The following VIPR2 variants were observed in gnomAD, a reference collection of about 807,000 sequenced individuals.
VIPR2 encodes the protein vasoactive intestinal polypeptide receptor 2.
A neutral mutation model predicts 58.0 loss-of-function variants in VIPR2; 48 were observed. The ratio of observed to expected loss-of-function variants is 0.83; its 90% CI spans 0.66 to 1.05. The LOEUF is 1.05. Among genes scored for constraint, VIPR2 ranks in the 50% least tolerant of loss-of-function variants. The probability of loss-of-function intolerance (pLI) is 0.00; values close to 1 mark genes in which losing one functional copy is unlikely to be tolerated. For synonymous variants in VIPR2, 243 were observed against 235.2 expected (o/e 1.03, Z -0.30); for missense variants, 534 against 558.0 (o/e 0.96, Z 0.43).
chr7:159,055,105 A>AT (rs999665559), intron 5 of VIPR2, among the ~76,000 whole-genome samples: 27 of 152,298 alleles, frequency 1.8e-4, no homozygotes, highest in African/African-American at 5.5e-4. Flanking sequence ...AATACATCAT[A>AT]TTTTTTTGAG....
At chr7:159,136,395 T>C (rs768154106) in intron 2 of VIPR2, among the ~76,000 whole-genome samples, 1 of 152,202 alleles carries the variant, frequency 6.6e-6, no homozygotes, top group Admixed American at 6.5e-5. Flanking sequence ...ACATTGAGGA[T>C]TGTTTTAACC....
At chr7:159,062,453 G>A (rs924700263) in intron 4 of VIPR2, among the ~76,000 whole-genome samples, 19 of 152,104 alleles carry the variant, frequency 1.2e-4, no homozygotes, top group African/African-American at 4.3e-4. Context: ...CTGGATTCGC[G>A]GTCTCGCTGG....
chr7:159,077,625 T>A (rs1291760922), intron 4 of VIPR2, among the ~76,000 whole-genome samples: 2 of 151,944 alleles, frequency 1.3e-5, no homozygotes, highest in Non-Finnish European at 2.9e-5. Context: ...CTAGCCCTGT[T>A]CAATGTCTTT....
rs1857951596 is a variant in VIPR2 at position 159,097,743 on chromosome 7, G to A, written c.357+6014C>T. ...ACCTTTCAGAAGCTGAGCAGCAATT[G>A]TAGCCAGTTGGGACACACAGACCAA... On this transcript the variant is annotated intron_variant, in intron 4 of 12. Transcript: ENST00000262178. The surrounding 1 kb of genome is among the most constrained non-coding windows in gnomAD (Gnocchi z 5.3). Among the ~76,000 whole-genome samples the A allele has an allele frequency of 6.6e-6, 1 of 152,198 alleles. No individual in the cohort carries two copies. The highest frequency in any genetic ancestry group is 2.4e-5 in the African/African-American group (1 of 41,454).
At chr7:159,123,077 G>A (rs1310474209) in intron 2 of VIPR2, among the ~76,000 whole-genome samples, 3 of 152,078 alleles carry the variant, frequency 2.0e-5, no homozygotes, top group East Asian at 3.9e-4. Flanking sequence ...GGCAGATCAC[G>A]AGGTCAAGAG....
At chr7:159,110,703 C>A (rs1048933156) in intron 2 of VIPR2, among the ~76,000 whole-genome samples, 1 of 139,826 alleles carries the variant, frequency 7.2e-6, no homozygotes, top group African/African-American at 2.7e-5. Context: ...GTAAAACAAA[C>A]AAACAAACAA....
At chr7:159,123,469 C>T (rs773851627) in intron 2 of VIPR2, among the ~76,000 whole-genome samples, 4 of 152,098 alleles carry the variant, frequency 2.6e-5, no homozygotes, top group Non-Finnish European at 5.9e-5. Flanking sequence ...TCCACATTCC[C>T]ACCAAAGACA....
intron 4 of VIPR2, among the ~76,000 whole-genome samples, chr7:159,094,820 C>T (rs1478892199): frequency 6.6e-6 from 1 of 152,194 alleles, no homozygotes; most frequent in Non-Finnish European, 1.5e-5. Context: ...CCAAACATGA[C>T]ATTTCTGAAG....
intron 4 of VIPR2, among the ~76,000 whole-genome samples, chr7:159,087,090 G>C (rs549411732): frequency 6.6e-6 from 1 of 152,276 alleles, no homozygotes; most frequent in African/African-American, 2.4e-5. Context: ...ACTCTGCCAG[G>C]ACTCTGATAG....
chr7:159,125,825 C>T (rs576354605), intron 2 of VIPR2, among the ~76,000 whole-genome samples: 5 of 152,274 alleles, frequency 3.3e-5, no homozygotes, highest in African/African-American at 9.6e-5. Flanking sequence ...AAGGGCCCCA[C>T]GGTGTCCATC....
chr7:159,136,560 G>A (rs901843414), intron 2 of VIPR2, among the ~76,000 whole-genome samples: 16 of 152,066 alleles, frequency 1.1e-4, no homozygotes, highest in African/African-American at 3.9e-4. Context: ...CCCGGAAGAA[G>A]CTGAGAGGTC....
rs192960549 is a variant in VIPR2 at position 159,035,253 on chromosome 7, G to A, written c.810-603C>T. 8.9e-4 allele frequency among the ~76,000 whole-genome samples: 135 copies of A among 152,254 alleles called. No homozygotes were observed. In the East Asian group the frequency reaches 0.015, roughly 17 times the overall value. ...GGGTCCATGCTTTCCCTCGGGGGCC[G>A]AGGGCAGGAGCCTTCAGGCTGGTGC... On this transcript the variant is annotated intron_variant, in intron 8 of 12. Transcript: ENST00000262178.
rs1260680311 is a variant in VIPR2, at chr7:159,062,222, C to T, written c.358-3644G>A. ...CCGAAGGGTTCAGCCTGAGCCCCGG[C>T]AAGTCACAGCCACAGCAGCCCGCAG... On this transcript the variant is annotated intron_variant, in intron 4 of 12. Coordinates refer to ENST00000262178, the MANE Select transcript of VIPR2 (RefSeq NM_003382.5). 3.3e-5 allele frequency among the ~76,000 whole-genome samples: 5 copies of T among 152,180 alleles called. No homozygotes were observed. The East Asian group carries it at 9.7e-4, about 29-fold the overall frequency.
rs1364694888 is a variant in VIPR2 at position 159,097,754 on chromosome 7, G to A, written c.357+6003C>T. ...GCTGAGCAGCAATTGTAGCCAGTTGGGACACACAGACCAAGATTTCTGGGT... is the reference window on the plus strand; with the variant it reads ...GCTGAGCAGCAATTGTAGCCAGTTGAGACACACAGACCAAGATTTCTGGGT... On this transcript the variant is annotated intron_variant, in intron 4 of 12. Transcript: ENST00000262178. This position sits in a 1 kb window ranked among gnomAD's most constrained non-coding sequence, Gnocchi z 5.3. 2.0e-5 allele frequency among the ~76,000 whole-genome samples: 3 copies of A among 152,204 alleles called. No homozygotes were observed. Among genetic ancestry groups the A allele is most frequent in the Non-Finnish European group, 4.4e-5 (3 of 68,032 alleles).
chr7:159,062,415 C>T (rs140529799), intron 4 of VIPR2, among the ~76,000 whole-genome samples: 2 of 152,234 alleles, frequency 1.3e-5, no homozygotes, highest in South Asian at 2.1e-4. Flanking sequence ...TTCTGATGTT[C>T]GGACATGTTT....
intron 3 of VIPR2, 33 bp downstream of exon 3, chr7:159,109,779 G>C (rs200630543): frequency 6.3e-7 from 1 of 1,593,978 alleles, no homozygotes; most frequent in Admixed American, 1.7e-5. Context: ...AAACACCCTG[G>C]AGGAGCTCAG....
At chr7:159,107,124 C>T (rs4989595) in intron 3 of VIPR2, among the ~76,000 whole-genome samples, 6,151 of 152,230 alleles carry the variant, frequency 0.04, 402 homozygotes, top group African/African-American at 0.14. Flanking sequence ...GCCCCATGAG[C>T]CTACATCATC....
At chr7:159,114,821 GAGAA>G (rs1215693607) in intron 2 of VIPR2, among the ~76,000 whole-genome samples, 2 of 136,070 alleles carry the variant, frequency 1.5e-5, no homozygotes, top group African/African-American at 2.7e-5. Context: ...GAGAGGGAGA[GAGAA>G]AGGAAGGAAG....
At chr7:159,136,635 A>C (rs1797241371) in intron 2 of VIPR2, among the ~76,000 whole-genome samples, 1 of 152,022 alleles carries the variant, frequency 6.6e-6, no homozygotes, top group South Asian at 2.1e-4. Flanking sequence ...TTTCGTTTCC[A>C]CTGACCCAGG....
Sources: gnomAD v4.1 joint callset for allele counts (sites outside exome capture counted in the v4.1 genomes callset) on GRCh38, gnomAD v4.1.1 for gene constraint, Gnocchi (gnomAD v3.1) non-coding constraint, MANE v1.5 for transcripts, NCBI Gene and HGNC (gene_info 2026-07-23, HGNC 2026-07-21) for gene names.